LRRC75A: variants seen among roughly 807,000 people sequenced by gnomAD.
The protein encoded by LRRC75A is leucine-rich repeat-containing protein 75A.
LRRC75A carries 12 observed loss-of-function variants against 26.0 expected under a neutral mutation model. The ratio of observed to expected loss-of-function variants is 0.46; its 90% CI spans 0.30 to 0.75. LRRC75A has a LOEUF of 0.75. LRRC75A is among the 30% of genes least tolerant of loss of function. The pLI is 0.08. For missense variants in LRRC75A, 410 were observed against 486.6 expected (o/e 0.84, Z 1.48); for synonymous variants, 223 against 219.3 (o/e 1.02, Z -0.15).
chr17:16,484,271 G>A (rs1947255788), intron 1 of LRRC75A, among the ~76,000 whole-genome samples: 1 of 152,152 alleles, frequency 6.6e-6, no homozygotes, highest in Admixed American at 6.5e-5. Flanking sequence ...GGGAGGTGGA[G>A]GTTGTAGTAA....
At position 16,491,532 on chromosome 17, in the gene LRRC75A, C is replaced by T. The variant is rs1056705918; in HGVS notation, c.246+213G>A. ...AACAGGTCCCCTTCGGCGGGCCTCA[C>T]CCGGCCAGCCTTCCTCCGCCCTGCC... On this transcript the variant is annotated intron_variant, in intron 1 of 3. Transcript: ENST00000470794. This position sits in a 1 kb window ranked among gnomAD's most constrained non-coding sequence, Gnocchi z 5.9. Among the ~76,000 whole-genome samples, 7 of 152,356 alleles carry T rather than the reference C, an allele frequency of 4.6e-5. No individual in the cohort carries two copies. The highest frequency in any genetic ancestry group is 1.7e-4 in the African/African-American group (7 of 41,602).
At position 16,462,252 on chromosome 17, in the gene LRRC75A, C is replaced by A. The variant is rs1191333471; in HGVS notation, c.375+6G>T. ...ACCTGGCTGGCTCGGACCACAGCCA[C>A]CCTACCGGCTTGGGACAGTGGATGT... On this transcript the variant is annotated splice_donor_region_variant and intron_variant, in intron 2 of 3. Transcript: ENST00000470794. This position sits in a 1 kb window ranked among gnomAD's most constrained non-coding sequence, Gnocchi z 4.6. The A allele has an allele frequency of 6.2e-6, 10 of 1,614,030 alleles. No individual in the cohort carries two copies. Among genetic ancestry groups the A allele is most frequent in the Non-Finnish European group, 8.5e-6 (10 of 1,179,964 alleles).
At position 16,491,997 on chromosome 17, in the gene LRRC75A, G is replaced by A. The variant is rs1398718225; in HGVS notation, c.-7C>T. On this transcript the variant is annotated 5_prime_UTR_variant, in exon 1 of 4. Transcript: ENST00000470794. The surrounding 1 kb of genome is among the most constrained non-coding windows in gnomAD (Gnocchi z 5.9). ...TGGTCTGCCGGGTGCCCATGCCGCCGCCGCCCGCCGGGACTCTCCGCTCTG... is the reference window on the plus strand; with the variant it reads ...TGGTCTGCCGGGTGCCCATGCCGCCACCGCCCGCCGGGACTCTCCGCTCTG... 6.0e-6 allele frequency: 7 copies of A among 1,164,584 alleles called. No homozygotes were observed. The highest frequency in any genetic ancestry group is 9.5e-5 in the Admixed American group (2 of 20,984). The allele number at this position is 1,164,584 out of a possible 1,614,324, so 72.1% of individuals were successfully genotyped here. A position where few individuals can be genotyped will look rare whatever the true frequency, so the allele number is the denominator to read the frequency against.
At position 16,462,202 on chromosome 17, in the gene LRRC75A, A is replaced by C. The variant is rs1242319763; in HGVS notation, c.375+56T>G. On this transcript the variant is annotated intron_variant, in intron 2 of 3. Coordinates refer to ENST00000470794, the MANE Select transcript of LRRC75A (RefSeq NM_001113567.3). The surrounding 1 kb of genome is among the most constrained non-coding windows in gnomAD (Gnocchi z 4.6). ...TTGGGCATACAGCTGCTCTGCCCAG[A>C]AAGGCACCCACCGCACACCCCGGGA... 6.2e-7 allele frequency: 1 copy of C among 1,604,942 alleles called. No individual in the cohort carries two copies. Among genetic ancestry groups the C allele is most frequent in the African/African-American group, 1.3e-5 (1 of 74,742 alleles).
intron 2 of LRRC75A, among the ~76,000 whole-genome samples, chr17:16,460,514 G>T (rs1457694435): frequency 6.6e-6 from 1 of 152,066 alleles, no homozygotes; most frequent in African/African-American, 2.4e-5. Flanking sequence ...CAACCTGTGA[G>T]GGGCAGGTTG....
chr17:16,452,026 G>T (rs573564820), intron 2 of LRRC75A, among the ~76,000 whole-genome samples: 1 of 144,386 alleles, frequency 6.9e-6, no homozygotes, highest in Admixed American at 6.7e-5. Context: ...GTTAGCCACC[G>T]CGCCCGGCCT....
At chr17:16,482,867 A>G (rs2093837819) in intron 1 of LRRC75A, among the ~76,000 whole-genome samples, 1 of 152,210 alleles carries the variant, frequency 6.6e-6, no homozygotes, top group Non-Finnish European at 1.5e-5. Flanking sequence ...TGAAAGAACC[A>G]AGTACTAGTG....
chr17:16,446,435 G>A (rs1026196743), intron 3 of LRRC75A, among the ~76,000 whole-genome samples: 2 of 152,184 alleles, frequency 1.3e-5, no homozygotes, highest in Non-Finnish European at 2.9e-5. Context: ...AGTAAGCATG[G>A]GCCATCAAAA....
chr17:16,487,725 C>T (rs1185647248), intron 1 of LRRC75A, among the ~76,000 whole-genome samples: 2 of 152,220 alleles, frequency 1.3e-5, no homozygotes, highest in South Asian at 2.1e-4. Context: ...GTGAGCATTT[C>T]GCCTGGCCTC....
chr17:16,452,666 C>T (rs1392851585), intron 2 of LRRC75A, among the ~76,000 whole-genome samples: 1 of 152,040 alleles, frequency 6.6e-6, no homozygotes, highest in East Asian at 1.9e-4. Flanking sequence ...GAACTCCTGA[C>T]CTCGTGATCT....
rs1601190313 is a variant in LRRC75A at position 16,473,117 on chromosome 17, G to T, written c.247-10731C>A. 2.0e-5 allele frequency among the ~76,000 whole-genome samples: 3 copies of T among 151,374 alleles called. No homozygotes were observed. The South Asian group carries it at 6.2e-4, about 31-fold the overall frequency. ...ATTGAATATTGAGAAAATTCAAGTCGTTGTAAGTAGTCTGTGTGTGTGTGT... is the reference window on the plus strand; with the variant it reads ...ATTGAATATTGAGAAAATTCAAGTCTTTGTAAGTAGTCTGTGTGTGTGTGT... On this transcript the variant is annotated intron_variant, in intron 1 of 3. Transcript: ENST00000470794.
intron 2 of LRRC75A, among the ~76,000 whole-genome samples, chr17:16,458,248 A>G (rs981515889): frequency 3.9e-5 from 6 of 152,118 alleles, no homozygotes; most frequent in African/African-American, 1.4e-4. Context: ...CAGAGGTTGC[A>G]GCGAGTCGAG....
At chr17:16,468,664 A>G (rs1172755510) in intron 1 of LRRC75A, among the ~76,000 whole-genome samples, 1 of 152,222 alleles carries the variant, frequency 6.6e-6, no homozygotes, top group East Asian at 1.9e-4. Flanking sequence ...TGTACTTAAC[A>G]CCACTGAGCT....
rs1476655532 is a variant in LRRC75A at position 16,462,579 on chromosome 17, G to C, written c.247-193C>G. On this transcript the variant is annotated intron_variant, in intron 1 of 3. Transcript: ENST00000470794. The surrounding 1 kb of genome is among the most constrained non-coding windows in gnomAD (Gnocchi z 4.6). ...TTGTCTTTGCCTCCAAGTTGAGGAA[G>C]AGCAGGGACTGGCCTCTGCAGGCTC... 6.6e-6 allele frequency among the ~76,000 whole-genome samples: 1 copy of C among 152,238 alleles called. No homozygotes were observed. Among genetic ancestry groups the C allele is most frequent in the Non-Finnish European group, 1.5e-5 (1 of 68,048 alleles).
chr17:16,483,843 G>C lies in LRRC75A; in HGVS notation c.246+7902C>G, dbSNP rs145387995. On this transcript the variant is annotated intron_variant, in intron 1 of 3. Coordinates refer to ENST00000470794, the MANE Select transcript of LRRC75A (RefSeq NM_001113567.3). ...CTGCTGCCATGGTTTTCTCCTGGTGGGTTGCCTGTTGCATCCCCAGTTCCT... is the reference window on the plus strand; with the variant it reads ...CTGCTGCCATGGTTTTCTCCTGGTGCGTTGCCTGTTGCATCCCCAGTTCCT... 3.9e-3 allele frequency among the ~76,000 whole-genome samples: 600 copies of C among 152,304 alleles called. 2 individuals carry two copies. Among genetic ancestry groups the C allele is most frequent in the African/African-American group, 0.013 (560 of 41,564 alleles).
chr17:16,444,176 C>G, intron 3 of LRRC75A, 45 bp from the exon 4 acceptor site: 2 of 1,475,084 alleles, frequency 1.4e-6, no homozygotes, highest in Non-Finnish European at 1.8e-6. Context: ...ATAGGGCAGG[C>G]CTTTCCCCCA....
At chr17:16,449,028 G>T (rs2093609759) in intron 2 of LRRC75A, among the ~76,000 whole-genome samples, 1 of 152,244 alleles carries the variant, frequency 6.6e-6, no homozygotes, top group Admixed American at 6.5e-5. Context: ...GTGAGGGCAT[G>T]AGTCCCTCCA....
chr17:16,490,282 A>G (rs916494653), intron 1 of LRRC75A, among the ~76,000 whole-genome samples: 2 of 152,214 alleles, frequency 1.3e-5, no homozygotes, highest in African/African-American at 2.4e-5. Context: ...TAAATAGGAT[A>G]CCATGGTCTG....
Position 16,447,835 on chromosome 17 carries a change from T to G in LRRC75A, c.491+10A>C. 1 of 1,528,860 alleles carries G rather than the reference T, an allele frequency of 6.5e-7. No homozygotes were observed. Among genetic ancestry groups the G allele is most frequent in the Non-Finnish European group, 8.8e-7 (1 of 1,133,726 alleles). The allele number at this position is 1,528,860 out of a possible 1,614,324, so 94.7% of individuals were successfully genotyped here. A position where few individuals can be genotyped will look rare whatever the true frequency, so the allele number is the denominator to read the frequency against. Reference sequence around the variant, plus strand: ...CCTGGCATAGACCTGCCCGGGGGAGTGTAACTCACCAGGCCTGTGGCTTCC... The same window carrying G: ...CCTGGCATAGACCTGCCCGGGGGAGGGTAACTCACCAGGCCTGTGGCTTCC... On this transcript the variant is annotated intron_variant, in intron 3 of 3. Transcript: ENST00000470794.
Sources: gnomAD v4.1 joint callset for allele counts (sites outside exome capture counted in the v4.1 genomes callset) on GRCh38, gnomAD v4.1.1 for gene constraint, Gnocchi (gnomAD v3.1) non-coding constraint, MANE v1.5 for transcripts, NCBI Gene and HGNC (gene_info 2026-07-23, HGNC 2026-07-21) for gene names.